RSU1: variants seen among roughly 807,000 people sequenced by gnomAD.
RSU1 encodes the protein Ras suppressor protein 1, also known as rsu-1.
RSU1 carries 26 observed loss-of-function variants against 31.1 expected under a neutral mutation model. The observed-to-expected ratio is 0.84, with a 90% CI of 0.61 to 1.16. RSU1 has a LOEUF of 1.16. Among genes scored for constraint, RSU1 ranks in the 50% most tolerant of loss-of-function variants. RSU1 has a pLI of 0.00. For missense variants in RSU1, 320 were observed against 339.1 expected (o/e 0.94, Z 0.44); for synonymous variants, 164 against 136.3 (o/e 1.20, Z -1.41).
chr10:16,614,768 T>C (rs1833947569), intron 8 of RSU1, among the ~76,000 whole-genome samples: 1 of 151,856 alleles, frequency 6.6e-6, no homozygotes, highest in Admixed American at 6.6e-5. Flanking sequence ...TCAAGAGGAC[T>C]CACTAAGGAA....
At chr10:16,649,286 C>G (rs1355983555) in intron 8 of RSU1, among the ~76,000 whole-genome samples, 1 of 152,138 alleles carries the variant, frequency 6.6e-6, no homozygotes, top group African/African-American at 2.4e-5. Context: ...AAATCAGTCT[C>G]CTTCTCAGAG....
chr10:16,619,508 CAG>C (rs1234269587), intron 8 of RSU1, among the ~76,000 whole-genome samples: 1 of 152,194 alleles, frequency 6.6e-6, no homozygotes, highest in Admixed American at 6.5e-5. Context: ...AAAACAGAAA[CAG>C]AGGGAATGAA....
chr10:16,727,953 A>T (rs958457486), intron 7 of RSU1, among the ~76,000 whole-genome samples: 2 of 152,194 alleles, frequency 1.3e-5, no homozygotes, highest in African/African-American at 4.8e-5. Context: ...TTATCTACAG[A>T]AAAACTAAAA....
chr10:16,817,259 C>A (rs982798037), intron 1 of RSU1, 56 bp downstream of exon 1: 3 of 448,818 alleles, frequency 6.7e-6, no homozygotes, highest in African/African-American at 5.7e-5. Flanking sequence ...AGGGTTCAGC[C>A]CCGCTGCGGC....
intron 8 of RSU1, among the ~76,000 whole-genome samples, chr10:16,626,777 T>A (rs943273706): frequency 2.6e-5 from 4 of 152,202 alleles, no homozygotes; most frequent in African/African-American, 9.6e-5. Context: ...GGGCAGTTCA[T>A]GATCGATCTC....
At chr10:16,718,282 TTAATA>T (rs1836184091) in intron 7 of RSU1, among the ~76,000 whole-genome samples, 1 of 152,124 alleles carries the variant, frequency 6.6e-6, no homozygotes, top group Non-Finnish European at 1.5e-5. Context: ...TTCCTTAGCA[TTAATA>T]TAATAAAAAT....
At chr10:16,788,346 C>T (rs889060026) in intron 2 of RSU1, among the ~76,000 whole-genome samples, 3 of 152,104 alleles carry the variant, frequency 2.0e-5, no homozygotes, top group South Asian at 2.1e-4. Flanking sequence ...TATACGGAAG[C>T]CCGAATCCCC....
chr10:16,807,938 G>A (rs530213327), intron 2 of RSU1, among the ~76,000 whole-genome samples: 62 of 151,794 alleles, frequency 4.1e-4, no homozygotes, highest in Admixed American at 1.3e-3. Flanking sequence ...CAGGAGAATG[G>A]CGTGAACCTG....
At chr10:16,709,457 C>T (rs1324555254) in intron 7 of RSU1, among the ~76,000 whole-genome samples, 12 of 152,118 alleles carry the variant, frequency 7.9e-5, no homozygotes, top group African/African-American at 1.4e-4. Context: ...AATAAACATA[C>T]GTGTGCATGT....
intron 8 of RSU1, among the ~76,000 whole-genome samples, chr10:16,644,589 C>T (rs1834502694): frequency 6.6e-6 from 1 of 152,168 alleles, no homozygotes; most frequent in South Asian, 2.1e-4. Flanking sequence ...AAAGTAGTGA[C>T]TCTAGAACAG....
At chr10:16,652,748 T>C (rs1465080089) in intron 8 of RSU1, among the ~76,000 whole-genome samples, 3 of 152,172 alleles carry the variant, frequency 2.0e-5, no homozygotes, top group Non-Finnish European at 4.4e-5. Context: ...AGTGGTGTGA[T>C]CACGGCTCAC....
At chr10:16,646,659 T>C (rs1488570285) in intron 8 of RSU1, among the ~76,000 whole-genome samples, 1 of 152,236 alleles carries the variant, frequency 6.6e-6, no homozygotes, top group African/African-American at 2.4e-5. Flanking sequence ...CAGGGGTTAC[T>C]ACATGGCACA....
At chr10:16,677,087 C>T (rs934486787) in intron 8 of RSU1, among the ~76,000 whole-genome samples, 2 of 152,154 alleles carry the variant, frequency 1.3e-5, no homozygotes, top group African/African-American at 2.4e-5. Context: ...GTACATTCCC[C>T]TAAACTTCAT....
chr10:16,657,092 T>C (rs1304102051), intron 8 of RSU1, among the ~76,000 whole-genome samples: 1 of 152,184 alleles, frequency 6.6e-6, no homozygotes, highest in African/African-American at 2.4e-5. Flanking sequence ...AAAATATGAA[T>C]GACACATGCA....
intron 8 of RSU1, among the ~76,000 whole-genome samples, chr10:16,668,280 A>G (rs60574220): frequency 0.28 from 42,535 of 152,092 alleles, 6,118 homozygotes; most frequent in South Asian, 0.37. Context: ...GGGGGCAGTG[A>G]TCAGGGTAGA....
chr10:16,629,314 C>T (rs1021669503), intron 8 of RSU1, among the ~76,000 whole-genome samples: 3 of 152,086 alleles, frequency 2.0e-5, no homozygotes, highest in Admixed American at 6.5e-5. Context: ...CGGCCCCTAC[C>T]CTCCTTAACC....
chr10:16,808,761 C>T lies in RSU1; in HGVS notation c.109+8212G>A, dbSNP rs192208803. 9.7e-4 allele frequency among the ~76,000 whole-genome samples: 147 copies of T among 152,318 alleles called. 2 individuals carry two copies. Among genetic ancestry groups the T allele is most frequent in the African/African-American group, 3.2e-3 (135 of 41,570 alleles). ...GAAGCCCCAATCCCAAATACCTCAA[C>T]ATGTGACTATATTTGGAGATGGGGC... On this transcript the variant is annotated intron_variant, in intron 2 of 8. Transcript: ENST00000345264.
chr10:16,727,204 G>C (rs931075652), intron 7 of RSU1: 2 of 451,764 alleles, frequency 4.4e-6, no homozygotes, highest in Non-Finnish European at 8.9e-6. Context: ...CACCTGGGCG[G>C]AAAGAGTGAC....
chr10:16,592,981 T>G lies in RSU1; in HGVS notation c.*413A>C. On this transcript the variant is annotated 3_prime_UTR_variant, in exon 9 of 9. Transcript: ENST00000345264. ...GCATATCTCGGTGGTGAAGGAAGAC[T>G]TTTAATAAAGCAAAATAATGAGTTA... 6 of 154,896 alleles carry G rather than the reference T, an allele frequency of 3.9e-5. No individual in the cohort carries two copies. The highest frequency in any genetic ancestry group is 2.0e-4 in the South Asian group (1 of 4,936). 9.6% of individuals were successfully genotyped at this position (154,896 alleles called of 1,614,324 possible).
Sources: allele counts gnomAD v4.1 joint callset (sites outside exome capture counted in the v4.1 genomes callset), GRCh38; gene constraint gnomAD v4.1.1; transcripts MANE v1.5; gene names NCBI Gene and HGNC (gene_info 2026-07-23, HGNC 2026-07-21).